TMEM117: variants seen among roughly 807,000 people sequenced by gnomAD.
TMEM117 encodes the protein transmembrane protein 117.
In TMEM117, 27 loss-of-function variants were observed where a neutral mutation model predicts 52.4. The observed-to-expected ratio is 0.51, with a 90% CI of 0.38 to 0.71. The LOEUF (loss-of-function observed/expected upper bound fraction) is 0.71, where lower values mean the gene tolerates loss of function less well. TMEM117 is among the 30% of genes least tolerant of loss of function. The pLI is 0.00. For synonymous variants in TMEM117, 215 were observed against 206.3 expected (o/e 1.04, Z -0.36); for missense variants, 556 against 630.5 (o/e 0.88, Z 1.26).
intron 7 of TMEM117, among the ~76,000 whole-genome samples, chr12:44,386,686 T>G (rs1182275965): frequency 6.6e-6 from 1 of 152,130 alleles, no homozygotes; most frequent in Non-Finnish European, 1.5e-5. Flanking sequence ...TCTGACAACT[T>G]TAATAAATAC....
chr12:44,127,106 G>A (rs1332373130), intron 3 of TMEM117, among the ~76,000 whole-genome samples: 1 of 152,152 alleles, frequency 6.6e-6, no homozygotes, highest in Non-Finnish European at 1.5e-5. Flanking sequence ...TACTTGATGA[G>A]GTAGCTAGGG....
intron 4 of TMEM117, among the ~76,000 whole-genome samples, chr12:44,200,866 C>T (rs1221481916): frequency 6.6e-6 from 1 of 152,100 alleles, no homozygotes; most frequent in East Asian, 1.9e-4. Context: ...GGTCCTGCCA[C>T]CCCTCAGCAT....
chr12:43,825,247 T>C, the TMEM117 span, among the ~76,000 whole-genome samples: 2 of 152,136 alleles, frequency 1.3e-5, no homozygotes, highest in Non-Finnish European at 2.9e-5. Context: ...TTTACAAGGG[T>C]TGGCGTAGAA....
At chr12:44,007,286 G>A (rs1216980759) in intron 3 of TMEM117, among the ~76,000 whole-genome samples, 1 of 152,084 alleles carries the variant, frequency 6.6e-6, no homozygotes, top group Non-Finnish European at 1.5e-5. Flanking sequence ...ATTTCTTGAT[G>A]ATGCTCCTTT....
chr12:43,873,299 G>A (rs1943737737), intron 2 of TMEM117, among the ~76,000 whole-genome samples: 2 of 151,762 alleles, frequency 1.3e-5, no homozygotes, highest in African/African-American at 2.4e-5. Context: ...TAAGTGTTGT[G>A]CAGCACAGAG....
intron 2 of TMEM117, among the ~76,000 whole-genome samples, chr12:43,935,945 T>A (rs1944945697): frequency 6.6e-6 from 1 of 152,220 alleles, no homozygotes; most frequent in Admixed American, 6.5e-5. Flanking sequence ...AACTGCTTAG[T>A]GTTCATGGAA....
intron 2 of TMEM117, among the ~76,000 whole-genome samples, chr12:43,913,987 G>A (rs1565748413): frequency 6.6e-6 from 1 of 152,070 alleles, no homozygotes; most frequent in African/African-American, 2.4e-5. Context: ...ATGTTTTTGG[G>A]ATACCAGGTA....
chr12:44,393,698 A>G (rs1161734295), downstream of TMEM117, among the ~76,000 whole-genome samples: 1 of 152,192 alleles, frequency 6.6e-6, no homozygotes, highest in Non-Finnish European at 1.5e-5. Flanking sequence ...AAAGCCATAA[A>G]TATGCTTAAC....
chr12:44,104,763 G>C (rs545108524), intron 3 of TMEM117, among the ~76,000 whole-genome samples: 2 of 151,980 alleles, frequency 1.3e-5, no homozygotes, highest in East Asian at 3.9e-4. Flanking sequence ...TTCTAGACTG[G>C]TGTTATTTTT....
intron 6 of TMEM117, among the ~76,000 whole-genome samples, chr12:44,312,025 G>T (rs73276240): frequency 0.019 from 2,920 of 151,306 alleles, 94 homozygotes; most frequent in African/African-American, 0.062. Context: ...GAAGGAAAAG[G>T]TCATGGAGGC....
chr12:43,800,302 T>C, the TMEM117 span: 5 of 618,688 alleles, frequency 8.1e-6, no homozygotes, highest in African/African-American at 5.6e-5. Flanking sequence ...TAATATTATA[T>C]GAAATACAGT....
intron 5 of TMEM117, among the ~76,000 whole-genome samples, chr12:44,259,603 G>C (rs1950298304): frequency 6.6e-6 from 1 of 152,062 alleles, no homozygotes. Context: ...AACCTTAGTA[G>C]GTAATTAAGT....
intron 3 of TMEM117, among the ~76,000 whole-genome samples, chr12:44,013,695 C>T (rs770342165): frequency 6.6e-6 from 1 of 152,080 alleles, no homozygotes; most frequent in Admixed American, 6.6e-5. Context: ...TTGTCCACAC[C>T]GAGCCTCCAT....
intron 5 of TMEM117, among the ~76,000 whole-genome samples, chr12:44,288,013 C>T (rs1565676083): frequency 6.6e-6 from 1 of 152,152 alleles, no homozygotes; most frequent in Non-Finnish European, 1.5e-5. Flanking sequence ...TCCTGCATGG[C>T]AGTTTTACAG....
intron 3 of TMEM117, among the ~76,000 whole-genome samples, chr12:44,030,568 G>A (rs1287302016): frequency 6.6e-6 from 1 of 152,180 alleles, no homozygotes; most frequent in Non-Finnish European, 1.5e-5. Context: ...AGTGAAATGT[G>A]TTTTTGGAAA....
At chr12:44,126,878 C>G (rs754657488) in intron 3 of TMEM117, among the ~76,000 whole-genome samples, 1 of 152,154 alleles carries the variant, frequency 6.6e-6, no homozygotes, top group Admixed American at 6.5e-5. Flanking sequence ...ATAAATAATT[C>G]TAGTGCAGGA....
rs1951946944 is a variant in TMEM117 at position 44,376,719 on chromosome 12, T to A, written c.893T>A (p.Ile298Lys). ...TTCAAGGAGGAATATCGTATTCACA[T>A]AACAGGTGTGTTATATCTTTGAACA... Reference protein sequence around the residue: ...KIFKEEYRIHITGKWFNYGII... With the variant: ...KIFKEEYRIHKTGKWFNYGII... The change falls in exon 7 of 8, where the codon ATA becomes AAA. Residue 298 changes from isoleucine to lysine, a missense_variant. By Grantham distance (102) the Ile-to-Lys change is moderately radical (BLOSUM62 -3). Coordinates refer to ENST00000266534, the MANE Select transcript of TMEM117 (RefSeq NM_032256.3). 2 of 1,603,184 alleles carry A rather than the reference T, an allele frequency of 1.2e-6. No homozygotes were observed. The highest frequency in any genetic ancestry group is 1.7e-6 in the Non-Finnish European group (2 of 1,176,592).
the TMEM117 span, among the ~76,000 whole-genome samples, chr12:44,396,007 A>G: frequency 6.6e-6 from 1 of 152,226 alleles, no homozygotes; most frequent in Admixed American, 6.5e-5. Context: ...GGATGGAGCT[A>G]GAGCTGAGCT....
chr12:44,205,895 C>G (rs1949558726), intron 4 of TMEM117, among the ~76,000 whole-genome samples: 2 of 152,160 alleles, frequency 1.3e-5, no homozygotes, highest in African/African-American at 4.8e-5. Context: ...TTTGACCTTC[C>G]AATCCCATTA....
Sources: gnomAD v4.1 joint callset for allele counts (sites outside exome capture counted in the v4.1 genomes callset) on GRCh38, gnomAD v4.1.1 for gene constraint, MANE v1.5 for transcripts, NCBI Gene and HGNC (gene_info 2026-07-23, HGNC 2026-07-21) for gene names.